Variants in FAM200B observed in about 807,000 individuals in gnomAD.
FAM200B encodes zinc finger BED-type containing 11.
In FAM200B, 32 loss-of-function variants were observed where a neutral mutation model predicts 33.1. That is an observed-to-expected ratio of 0.97 (90% CI 0.73 to 1.30). The LOEUF is 1.30. FAM200B is among the 50% of genes most tolerant of loss of function. The pLI is 0.00. For missense variants in FAM200B, 741 were observed against 754.0 expected (o/e 0.98, Z 0.20); for synonymous variants, 240 against 264.8 (o/e 0.91, Z 0.91).
chr4:15,687,441 A>C lies in FAM200B; in HGVS notation c.464A>C (p.Tyr155Ser). The change falls in exon 2 of 2, where the codon TAT becomes TCT. Residue 155 changes from tyrosine (Y) to serine (S), a missense_variant. Tyr to Ser is a moderately radical substitution (Grantham distance 144). Coordinates refer to ENST00000422728, the MANE Select transcript of FAM200B (RefSeq NM_001145191.2). ...TTATTATCATCATATTTAGTTGCATATCGTGTGGCAAAAGAGAAAATAGCT... is the reference window on the plus strand; with the variant it reads ...TTATTATCATCATATTTAGTTGCATCTCGTGTGGCAAAAGAGAAAATAGCT... The part of the protein sequence containing the change: ...KALLSSYLVA[Y>S]RVAKEKIANT... The C allele has an allele frequency of 2.6e-6, 4 of 1,551,098 alleles. No homozygotes were observed. The highest frequency in any genetic ancestry group is 1.4e-5 in the African/African-American group (1 of 73,160).
At chr4:15,641,336 A>G in the FAM200B span, among the ~76,000 whole-genome samples, 1 of 151,838 alleles carries the variant, frequency 6.6e-6, no homozygotes, top group African/African-American at 2.4e-5. Context: ...TTAATTACCG[A>G]TTTTCTTCTG....
At chr4:15,652,771 T>C in the FAM200B span, among the ~76,000 whole-genome samples, 1 of 152,200 alleles carries the variant, frequency 6.6e-6, no homozygotes, top group Non-Finnish European at 1.5e-5. Flanking sequence ...AGTAACTGAC[T>C]TCTTGATAAT....
In FAM200B at chr4:15,688,597, A is replaced by AT. The variant is rs1719110256; in HGVS notation, c.1623dup (p.Ala542CysfsTer6). 6.4e-7 allele frequency: 1 copy of AT among 1,551,158 alleles called. No homozygotes were observed. The highest frequency in any genetic ancestry group is 2.0e-5 in the Admixed American group (1 of 50,974). ...GGGAAAACAGTTGGGTAAAAGATCC[A>AT]TTTGCTTTTCGACACCCTGAATCAA... is the stretch of plus-strand genomic sequence containing the variant. On this transcript the variant is annotated frameshift_variant, in exon 2 of 2. Coordinates refer to ENST00000422728, the MANE Select transcript of FAM200B (RefSeq NM_001145191.2). LOFTEE classifies it high-confidence loss of function.
chr4:15,651,474 C>G, the FAM200B span, among the ~76,000 whole-genome samples: 2 of 152,178 alleles, frequency 1.3e-5, no homozygotes, highest in African/African-American at 4.8e-5. Context: ...AGTAAGAACT[C>G]ATTAAATTCC....
chr4:15,679,115 T>G (rs1283365080), upstream of FAM200B, among the ~76,000 whole-genome samples: 1 of 145,912 alleles, frequency 6.9e-6, no homozygotes, highest in Non-Finnish European at 1.5e-5. Context: ...CAGGCTGGAG[T>G]GCAGCGGCGT....
the FAM200B span, among the ~76,000 whole-genome samples, chr4:15,650,821 T>C: frequency 4.6e-5 from 7 of 152,002 alleles, no homozygotes; most frequent in Admixed American, 4.6e-4. Context: ...TTAGTAGAGA[T>C]GAGGTTTCAC....
At chr4:15,660,399 A>G in the FAM200B span, among the ~76,000 whole-genome samples, 1 of 151,936 alleles carries the variant, frequency 6.6e-6, no homozygotes, top group East Asian at 1.9e-4. Flanking sequence ...TGTTTTAAAA[A>G]CTCAAAACAG....
chr4:15,689,122 G>C lies in FAM200B; in HGVS notation c.*171G>C, dbSNP rs1020440501. On this transcript the variant is annotated 3_prime_UTR_variant, in exon 2 of 2. Transcript: ENST00000422728. The stretch of plus-strand genomic sequence containing the variant: ...TTGAACAAAAATTTAATGAATTTCT[G>C]TTAGAGGCCAGGAACTATTCTAGAG... 2 of 497,054 alleles carry C rather than the reference G, an allele frequency of 4.0e-6. No homozygotes were observed. Among genetic ancestry groups the C allele is most frequent in the African/African-American group, 4.0e-5 (2 of 49,756 alleles). The allele number at this position is 497,054 out of a possible 1,614,324, so 30.8% of individuals were successfully genotyped here. A position where few individuals can be genotyped will look rare whatever the true frequency, so the allele number is the denominator to read the frequency against.
At chr4:15,655,878 G>T in the FAM200B span, among the ~76,000 whole-genome samples, 11 of 152,212 alleles carry the variant, frequency 7.2e-5, no homozygotes, top group Non-Finnish European at 1.3e-4. Flanking sequence ...CCACTCAAAG[G>T]CCGGGCCTGG....
At chr4:15,684,077 C>G (rs954425180) in intron 1 of FAM200B, among the ~76,000 whole-genome samples, 7 of 152,162 alleles carry the variant, frequency 4.6e-5, no homozygotes, top group African/African-American at 1.4e-4. Context: ...AGATGGATAG[C>G]TGAATAAAGT....
the FAM200B span, among the ~76,000 whole-genome samples, chr4:15,662,841 G>C: frequency 2.0e-5 from 3 of 152,082 alleles, no homozygotes. Context: ...GAACAAGTTT[G>C]TGGCTAAACA....
chr4:15,667,181 G>C, the FAM200B span, among the ~76,000 whole-genome samples: 1 of 152,190 alleles, frequency 6.6e-6, no homozygotes, highest in Non-Finnish European at 1.5e-5. Context: ...ACACGTCGTA[G>C]TACTTAGGTT....
the FAM200B span, among the ~76,000 whole-genome samples, chr4:15,639,846 G>C: frequency 6.6e-6 from 1 of 152,136 alleles, no homozygotes; most frequent in Non-Finnish European, 1.5e-5. Context: ...TTGATTATAA[G>C]GTGAAGCTAT....
the FAM200B span, among the ~76,000 whole-genome samples, chr4:15,659,232 G>C: frequency 1.3e-5 from 2 of 152,260 alleles, no homozygotes; most frequent in South Asian, 4.1e-4. Flanking sequence ...GGCATACATA[G>C]TAGGCATAAA....
the FAM200B span, among the ~76,000 whole-genome samples, chr4:15,646,606 T>C: frequency 6.6e-6 from 1 of 152,258 alleles, no homozygotes; most frequent in Non-Finnish European, 1.5e-5. Context: ...GCAGGTTTGT[T>C]ACATATGTAT....
chr4:15,641,444 T>C, the FAM200B span: 5 of 357,172 alleles, frequency 1.4e-5, no homozygotes, highest in East Asian at 3.0e-4. Flanking sequence ...TTTATGATGA[T>C]CCACTTCCAC....
At chr4:15,661,347 G>T in the FAM200B span, among the ~76,000 whole-genome samples, 3 of 152,140 alleles carry the variant, frequency 2.0e-5, no homozygotes, top group Non-Finnish European at 4.4e-5. Context: ...TCTGTAAAGG[G>T]ATAGTGAGTC....
chr4:15,647,222 CAAAAAA>C, the FAM200B span, among the ~76,000 whole-genome samples: 196 of 36,520 alleles, frequency 5.4e-3, 1 homozygote, highest in African/African-American at 0.015. Flanking sequence ...GACTCCATCT[CAAAAAA>C]AAAAAAAAAA....
the FAM200B span, chr4:15,656,101 A>G: frequency 2.2e-6 from 1 of 446,224 alleles, no homozygotes; most frequent in East Asian, 7.0e-5. Flanking sequence ...AACGCGGGTC[A>G]GGGATAGGCC....
Sources: gnomAD v4.1 joint callset for allele counts (sites outside exome capture counted in the v4.1 genomes callset) on GRCh38, gnomAD v4.1.1 for gene constraint, MANE v1.5 for transcripts, NCBI Gene and HGNC (gene_info 2026-07-23, HGNC 2026-07-21) for gene names.